Variants in SUGP1 observed in about 807,000 individuals in gnomAD.
The protein encoded by SUGP1 is SURP and G-patch domain containing 1.
In SUGP1, 34 loss-of-function variants were observed where a neutral mutation model predicts 76.5. That is an observed-to-expected ratio of 0.44 (90% CI 0.34 to 0.59). The LOEUF (loss-of-function observed/expected upper bound fraction) is 0.59, where lower values mean the gene tolerates loss of function less well. Ranked by LOEUF, SUGP1 falls within the 20% of genes least tolerant of loss-of-function variation. The pLI is 0.01. For synonymous variants in SUGP1, 326 were observed against 326.2 expected, an observed-to-expected ratio of 1.00 and a Z score of 0.01; for missense variants, 752 against 851.7, an observed-to-expected ratio of 0.88 and a Z score of 1.46.
At chr19:19,302,740 G>A (rs2061282122) in intron 6 of SUGP1, among the ~76,000 whole-genome samples, 1 of 152,132 alleles carries the variant, frequency 6.6e-6, no homozygotes, top group African/African-American at 2.4e-5. Flanking sequence ...CCTGGGGAGA[G>A]GCTCAGGGCA....
intron 8 of SUGP1, among the ~76,000 whole-genome samples, chr19:19,291,889 T>TCACACACACACACACACACACA (rs541521385): frequency 7.8e-6 from 1 of 128,636 alleles, no homozygotes; most frequent in Non-Finnish European, 1.6e-5. Context: ...TGAGACTCTG[T>TCACACACACACACACACACACA]CACACACACA....
rs772299597 is a variant in SUGP1 at position 19,303,413 on chromosome 19, T to C, written c.698A>G (p.Tyr233Cys). ...LHDKNSREFLYYRKKVAEIRK... is the reference protein window; with the variant it reads ...LHDKNSREFLCYRKKVAEIRK... Reference sequence around the variant, plus strand: ...TATCTCAGCCACCTTCTTCCTGTAGTAGAGGAATTCCCTGCTATTCTTATC... The same window carrying C: ...TATCTCAGCCACCTTCTTCCTGTAGCAGAGGAATTCCCTGCTATTCTTATC... The change falls in exon 6 of 14, where the codon TAC (tyrosine) becomes TGC (cysteine). Residue 233 changes from tyrosine (Y) to cysteine (C), a missense_variant. By Grantham distance (194) the Tyr-to-Cys change is radical (BLOSUM62 -2). Transcript: ENST00000247001. The C allele has an allele frequency of 5.6e-6, 9 of 1,613,976 alleles. No homozygotes were observed. The highest frequency in any genetic ancestry group is 2.2e-5 in the East Asian group (1 of 44,892).
chr19:19,299,979 C>T (rs1042179770), intron 7 of SUGP1, among the ~76,000 whole-genome samples: 2 of 151,672 alleles, frequency 1.3e-5, no homozygotes, highest in Non-Finnish European at 1.5e-5. Context: ...GGTTTCTCCA[C>T]GTTGGTCAGG....
chr19:19,315,221 G>A (rs139673289), intron 2 of SUGP1, among the ~76,000 whole-genome samples: 1,595 of 152,148 alleles, frequency 0.01, 24 homozygotes, highest in African/African-American at 0.037. Context: ...CCAGCTACTT[G>A]GGAGGCTGAG....
intron 8 of SUGP1, among the ~76,000 whole-genome samples, chr19:19,292,913 CT>C (rs954915757): frequency 1.6e-4 from 23 of 147,138 alleles, no homozygotes; most frequent in South Asian, 2.1e-4. Flanking sequence ...TATTTATTTA[CT>C]TTTTTTTTTT....
intron 8 of SUGP1, among the ~76,000 whole-genome samples, chr19:19,296,513 G>A (rs543182613): frequency 6.6e-6 from 1 of 152,220 alleles, no homozygotes; most frequent in African/African-American, 2.4e-5. Context: ...CGGGCATGGT[G>A]GCGGGCACCT....
chr19:19,302,419 C>T (rs200514533), intron 6 of SUGP1, 31 bp from the exon 7 acceptor site: 1 of 1,605,886 alleles, frequency 6.2e-7, no homozygotes, highest in African/African-American at 1.3e-5. Context: ...CTGGGCTCAA[C>T]TCACCACACC....
chr19:19,303,740 C>T lies in SUGP1; in HGVS notation c.646G>A (p.Asp216Asn). 6.2e-7 allele frequency: 1 copy of T among 1,614,210 alleles called. No individual in the cohort carries two copies. Among genetic ancestry groups the T allele is most frequent in the Non-Finnish European group, 8.5e-7 (1 of 1,180,046 alleles). The change falls in exon 5 of 14, where the codon GAT (aspartate) becomes AAT (asparagine). Residue 216 changes from aspartate (D) to asparagine (N), a missense_variant. Asp to Asn is a conservative substitution (Grantham distance 23). This residue lies in a region of SUGP1 where 620 missense variants were observed against 617.3 expected (regional missense o/e 1.00). Coordinates refer to ENST00000247001, the MANE Select transcript of SUGP1 (RefSeq NM_172231.4). ...GATACTCACGCAAATGCTGGGTTATCCTTGTAGTCCTCCATAGCTACTTTT... is the reference window on the plus strand; with the variant it reads ...GATACTCACGCAAATGCTGGGTTATTCTTGTAGTCCTCCATAGCTACTTTT... ...LEKVAMEDYKDNPAFAFLHDK... is the reference protein window; with the variant it reads ...LEKVAMEDYKNNPAFAFLHDK...
chr19:19,290,998 T>TC (rs2061178933), intron 8 of SUGP1, among the ~76,000 whole-genome samples: 1 of 151,924 alleles, frequency 6.6e-6, no homozygotes, highest in African/African-American at 2.4e-5. Flanking sequence ...CCACCTGTAA[T>TC]CCCAGCTACT....
At chr19:19,287,477 G>A (rs932167863) in intron 8 of SUGP1, among the ~76,000 whole-genome samples, 7 of 151,846 alleles carry the variant, frequency 4.6e-5, no homozygotes, top group African/African-American at 1.7e-4. Context: ...CATGAGAATC[G>A]TTTGAACCAG....
Position 19,297,073 on chromosome 19 carries a change from A to G in SUGP1, c.1159T>C (p.Trp387Arg), listed in dbSNP as rs2061231873. ...ATVKRKRKSRWGPEEDKVELP... is the reference protein window; with the variant it reads ...ATVKRKRKSRRGPEEDKVELP... ...TCTACCTTATCCTCTTCAGGCCCCCACCGGCTCTTCCGCTTCCTCTTCACG... is the reference window on the plus strand; with the variant it reads ...TCTACCTTATCCTCTTCAGGCCCCCGCCGGCTCTTCCGCTTCCTCTTCACG... Residue 387 changes from tryptophan (W) to arginine (R), a missense_variant, in exon 8 of 14, where the codon TGG becomes CGG. Trp to Arg is a moderately radical substitution (Grantham distance 101). Coordinates refer to ENST00000247001, the MANE Select transcript of SUGP1 (RefSeq NM_172231.4). The G allele has an allele frequency of 6.2e-7, 1 of 1,612,260 alleles. No individual in the cohort carries two copies. Among genetic ancestry groups the G allele is most frequent in the Non-Finnish European group, 8.5e-7 (1 of 1,179,604 alleles).
intron 8 of SUGP1, among the ~76,000 whole-genome samples, chr19:19,287,425 G>A (rs1199829114): frequency 6.6e-6 from 1 of 152,000 alleles, no homozygotes; most frequent in Non-Finnish European, 1.5e-5. Flanking sequence ...AGCCGGGCAT[G>A]GTGGTGCATG....
chr19:19,304,414 T>A (rs1298761913), intron 4 of SUGP1, among the ~76,000 whole-genome samples: 1 of 152,054 alleles, frequency 6.6e-6, no homozygotes, highest in African/African-American at 2.4e-5. Flanking sequence ...GATCATCTCA[T>A]ACACTTCCTG....
rs540188850 is a variant in SUGP1, at chr19:19,276,750, C to T, written c.1912-76G>A. 3.4e-5 allele frequency: 54 copies of T among 1,605,742 alleles called. No homozygotes were observed. In the East Asian group the frequency reaches 4.5e-4, roughly 13 times the overall value. On this transcript the variant is annotated intron_variant, in intron 13 of 13. Coordinates refer to ENST00000247001, the MANE Select transcript of SUGP1 (RefSeq NM_172231.4). ...GCAGTTCCTCCTGTCTGGAACCTTC[C>T]GGAGGCAGCTGAGCCCGCACCCTTG...
intron 8 of SUGP1, among the ~76,000 whole-genome samples, chr19:19,290,262 C>T (rs1200047295): frequency 6.6e-6 from 1 of 152,084 alleles, no homozygotes; most frequent in Non-Finnish European, 1.5e-5. Flanking sequence ...AGGGAAGGAG[C>T]AGAAACTGGT....
intron 7 of SUGP1, among the ~76,000 whole-genome samples, chr19:19,297,792 A>G (rs1423892416): frequency 6.6e-6 from 1 of 152,248 alleles, no homozygotes; most frequent in Non-Finnish European, 1.5e-5. Context: ...AATGAACATC[A>G]GAACGGACCA....
At chr19:19,307,602 G>A (rs1045309896) in intron 3 of SUGP1, among the ~76,000 whole-genome samples, 1 of 152,072 alleles carries the variant, frequency 6.6e-6, no homozygotes, top group African/African-American at 2.4e-5. Flanking sequence ...ACAATTTCTC[G>A]ACAGTTACTT....
Position 19,320,476 on chromosome 19 carries a change from G to C in SUGP1, c.21C>G (p.Asn7Lys). ...GGGGGCTGTTACCTGCAACATCCCG[G>C]TTGTCCATCTTGAGACTCATCCAAT... Reference protein sequence around the residue: MSLKMDNRDVAGKANRW... With the variant: MSLKMDKRDVAGKANRW... The change falls in exon 1 of 14, where the codon AAC (asparagine) becomes AAG (lysine). Residue 7 changes from asparagine (N) to lysine (K), a missense_variant. This residue lies in a region of SUGP1 where 620 missense variants were observed against 617.3 expected (regional missense o/e 1.00). Transcript: ENST00000247001. 1 of 1,610,156 alleles carries C rather than the reference G, an allele frequency of 6.2e-7. No homozygotes were observed. Among genetic ancestry groups the C allele is most frequent in the South Asian group, 1.1e-5 (1 of 89,764 alleles).
chr19:19,302,529 A>G (rs2061280190), intron 6 of SUGP1, 141 bp from the exon 7 acceptor site: 1 of 1,211,750 alleles, frequency 8.3e-7, no homozygotes, highest in Admixed American at 2.4e-5. Context: ...AGATTACTAC[A>G]CTGGGACCAG....
Sources: allele counts gnomAD v4.1 joint callset (sites outside exome capture counted in the v4.1 genomes callset), GRCh38; gene constraint gnomAD v4.1.1; regional missense constraint gnomAD v4.1.1; transcripts MANE v1.5; gene names NCBI Gene and HGNC (gene_info 2026-07-23, HGNC 2026-07-21).